TPTE2: variants seen among roughly 807,000 people sequenced by gnomAD.
TPTE2 encodes the protein phosphatidylinositol 3,4,5-trisphosphate 3-phosphatase TPTE2.
TPTE2 carries 53 observed loss-of-function variants against 78.6 expected under a neutral mutation model. The ratio of observed to expected loss-of-function variants is 0.67; its 90% CI spans 0.54 to 0.85. The LOEUF (loss-of-function observed/expected upper bound fraction) is 0.85. Among genes scored for constraint, TPTE2 ranks in the 40% least tolerant of loss-of-function variants. The pLI is 0.00. For synonymous variants in TPTE2, 175 were observed against 206.2 expected (o/e 0.85, Z 1.30); for missense variants, 461 against 623.0 (o/e 0.74, Z 2.77).
chr13:19,435,245 T>G (rs1237020181), intron 15 of TPTE2, among the ~76,000 whole-genome samples: 1 of 152,228 alleles, frequency 6.6e-6, no homozygotes, highest in African/African-American at 2.4e-5. Flanking sequence ...AAACATGGAC[T>G]ACAAATTTGA....
At chr13:19,430,424 T>C (rs1458178659) in intron 17 of TPTE2, 44 bp downstream of exon 20, 1 of 1,459,030 alleles carries the variant, frequency 6.9e-7, no homozygotes, top group African/African-American at 1.4e-5. Context: ...CATTCAGCCT[T>C]AAAACAAACA....
intron 1 of TPTE2, among the ~76,000 whole-genome samples, chr13:19,509,159 T>C (rs1448111915): frequency 6.6e-6 from 1 of 152,126 alleles, no homozygotes. Context: ...TTTACTGATA[T>C]ATAAGCATTA....
upstream of TPTE2, among the ~76,000 whole-genome samples, chr13:19,504,333 A>C (rs1868845214): frequency 2.0e-5 from 3 of 152,154 alleles, no homozygotes; most frequent in South Asian, 6.3e-4. Flanking sequence ...AAATCCCTTC[A>C]TCAGTGCCTT....
chr13:19,558,085 GT>G, the TPTE2 span, among the ~76,000 whole-genome samples: 1 of 152,100 alleles, frequency 6.6e-6, no homozygotes, highest in African/African-American at 2.4e-5. Context: ...CAAGATTTCT[GT>G]TTATAAAATG....
rs1194691220 is a variant in TPTE2 at position 19,451,219 on chromosome 13, C to T, written c.748G>A (p.Val250Met). The change falls in exon 11 of 20, where the codon GTG becomes ATG. Residue 250 changes from valine (V) to methionine (M), a missense_variant. Val to Met is a conservative substitution (Grantham distance 21). Transcript: ENST00000400230. The stretch of plus-strand genomic sequence containing the variant: ...CGATGTTTCTTATCTAGAAACCGCA[C>T]AACTTCCTAAAAAAGACAAACACAT... The T allele has an allele frequency of 1.2e-6, 2 of 1,613,394 alleles. No homozygotes were observed. Among genetic ancestry groups the T allele is most frequent in the South Asian group, 2.2e-5 (2 of 91,062 alleles).
At chr13:19,472,601 C>A (rs918021097) in intron 6 of TPTE2, among the ~76,000 whole-genome samples, 1 of 152,178 alleles carries the variant, frequency 6.6e-6, no homozygotes, top group Non-Finnish European at 1.5e-5. Context: ...TCCCTCAACA[C>A]AGCTATTTTG....
rs1708517200 is a variant in TPTE2 at position 19,434,484 on chromosome 13, G to A, written c.1116+1742C>T. Reference sequence around the variant, plus strand: ...AACGTTTAGTTTATTGCCATTGGCAGTGGGGACATAGTATGGATTTTGAGC... The same window carrying A: ...AACGTTTAGTTTATTGCCATTGGCAATGGGGACATAGTATGGATTTTGAGC... On this transcript the variant is annotated intron_variant, in intron 15 of 19. Transcript: ENST00000400230. 2.0e-5 allele frequency among the ~76,000 whole-genome samples: 3 copies of A among 152,344 alleles called. No homozygotes were observed. The South Asian group carries it at 6.2e-4, about 32-fold the overall frequency.
chr13:19,482,360 T>A lies in TPTE2; in HGVS notation c.179+128A>T, dbSNP rs1450491059. 17 of 1,028,712 alleles carry A rather than the reference T, an allele frequency of 1.7e-5. No homozygotes were observed. In the East Asian group the frequency reaches 4.1e-4, roughly 25 times the overall value. The allele number at this position is 1,028,712 out of a possible 1,614,324, so 63.7% of individuals were successfully genotyped here. ...CAACTGGAGTAAATACGGTGTACCC[T>A]CCCACCATACATTTTGATATCTTTC... On this transcript the variant is annotated intron_variant, in intron 4 of 19. Coordinates refer to ENST00000400230, the Ensembl canonical transcript of TPTE2.
At chr13:19,436,149 A>AAAATG in intron 15 of TPTE2, 77 bp downstream of exon 18, 1 of 1,269,064 alleles carries the variant, frequency 7.9e-7, no homozygotes, top group East Asian at 2.4e-5. Context: ...AGAAGAGTCT[A>AAAATG]AAATGAAACC....
chr13:19,458,335 G>T, intron 10 of TPTE2: 1 of 274,290 alleles, frequency 3.6e-6, no homozygotes, highest in South Asian at 4.5e-5. Context: ...TTATATCATA[G>T]GACACATAAA....
the TPTE2 span, among the ~76,000 whole-genome samples, chr13:19,541,999 CTT>C: frequency 6.6e-6 from 1 of 152,048 alleles, no homozygotes; most frequent in Non-Finnish European, 1.5e-5. Flanking sequence ...AATCAAATTT[CTT>C]TAATGATTAT....
chr13:19,549,337 G>C, the TPTE2 span, among the ~76,000 whole-genome samples: 24 of 152,002 alleles, frequency 1.6e-4, no homozygotes, highest in African/African-American at 5.8e-4. Flanking sequence ...TTAAAAAATG[G>C]GCAAAGGACA....
chr13:19,431,152 A>G (rs974699215), intron 16 of TPTE2, among the ~76,000 whole-genome samples: 16 of 151,900 alleles, frequency 1.1e-4, no homozygotes, highest in African/African-American at 3.9e-4. Context: ...AAAAAGAAAA[A>G]GAAAAAAAAT....
At chr13:19,466,560 T>A (rs1454423837) in intron 7 of TPTE2, among the ~76,000 whole-genome samples, 1 of 152,228 alleles carries the variant, frequency 6.6e-6, no homozygotes, top group South Asian at 2.1e-4. Context: ...CCTCATACAC[T>A]GTTAAGTTTT....
At chr13:19,437,762 G>C (rs894865360) in intron 14 of TPTE2, among the ~76,000 whole-genome samples, 1 of 151,856 alleles carries the variant, frequency 6.6e-6, no homozygotes, top group Admixed American at 6.6e-5. Context: ...TGTTGATATT[G>C]CATACATCAT....
In TPTE2 at chr13:19,437,038, G is replaced by GAC. The variant is rs376691875; in HGVS notation, c.1036-734_1036-733dup. Among the ~76,000 whole-genome samples the GAC allele has an allele frequency of 4.4e-3, 647 of 145,988 alleles. 6 individuals carry two copies. The highest frequency in any genetic ancestry group is 0.011 in the African/African-American group (460 of 40,254). Reference sequence around the variant, plus strand: ...GCAATCCACATTAATAAACCTAGGAGACACACACACACACACACACACACA... The same window carrying GAC: ...GCAATCCACATTAATAAACCTAGGAGACACACACACACACACACACACACACA... On this transcript the variant is annotated intron_variant, in intron 14 of 19. Coordinates refer to ENST00000400230, the Ensembl canonical transcript of TPTE2.
intron 1 of TPTE2, among the ~76,000 whole-genome samples, chr13:19,525,629 G>C (rs933492539): frequency 2.0e-5 from 3 of 152,074 alleles, no homozygotes; most frequent in African/African-American, 7.2e-5. Flanking sequence ...TTCTGACATA[G>C]GACCTTATGA....
intron 13 of TPTE2, among the ~76,000 whole-genome samples, chr13:19,441,144 T>C (rs1877468289): frequency 6.6e-6 from 1 of 151,660 alleles, no homozygotes. Context: ...GAAGTCATTA[T>C]CCTGAGCAAA....
At chr13:19,457,424 G>T (rs965071013) in intron 10 of TPTE2, among the ~76,000 whole-genome samples, 1 of 152,136 alleles carries the variant, frequency 6.6e-6, no homozygotes, top group African/African-American at 2.4e-5. Context: ...GTGTTACACA[G>T]TTAAATGTGT....
Sources: allele counts gnomAD v4.1 joint callset (sites outside exome capture counted in the v4.1 genomes callset), GRCh38; gene constraint gnomAD v4.1.1; transcripts MANE v1.5; gene names NCBI Gene and HGNC (gene_info 2026-07-23, HGNC 2026-07-21).